KIAA1217: variants seen among roughly 807,000 people sequenced by gnomAD.
KIAA1217 encodes the protein KIAA1217, also known as sickle tail protein homolog.
In KIAA1217, 88 loss-of-function variants were observed where a neutral mutation model predicts 163.9. The observed-to-expected ratio is 0.54, with a 90% CI of 0.45 to 0.64. The LOEUF is 0.64. Ranked by LOEUF, KIAA1217 falls within the 30% of genes least tolerant of loss-of-function variation. The pLI, the probability that KIAA1217 is intolerant of heterozygous loss-of-function variation, is 0.00. For synonymous variants in KIAA1217, 903 were observed against 923.1 expected (o/e 0.98, Z 0.39); for missense variants, 2,372 against 2,475.0 (o/e 0.96, Z 0.88).
intron 1 of KIAA1217, among the ~76,000 whole-genome samples, chr10:23,946,258 T>C (rs1413296845): frequency 1.5e-5 from 2 of 130,672 alleles, no homozygotes; most frequent in African/African-American, 3.3e-5. Flanking sequence ...CTCCAATGTC[T>C]CTTCCGTTTA....
At chr10:23,788,019 C>A (rs555746009) in intron 1 of KIAA1217, among the ~76,000 whole-genome samples, 1 of 152,058 alleles carries the variant, frequency 6.6e-6, no homozygotes, top group African/African-American at 2.4e-5. Flanking sequence ...CAAAGCGACA[C>A]CCTATCTCTA....
chr10:24,052,862 G>C (rs1849616464), intron 2 of KIAA1217, among the ~76,000 whole-genome samples: 1 of 152,030 alleles, frequency 6.6e-6, no homozygotes, highest in South Asian at 2.1e-4. Context: ...AGCCTCTCTA[G>C]CTATCAATCT....
intron 3 of KIAA1217, among the ~76,000 whole-genome samples, chr10:24,421,421 G>A (rs1253590713): frequency 6.6e-6 from 1 of 152,188 alleles, no homozygotes; most frequent in African/African-American, 2.4e-5. Flanking sequence ...TTATAATAGT[G>A]TATCTGCAGA....
upstream of KIAA1217, among the ~76,000 whole-genome samples, chr10:24,208,032 C>T (rs1429960502): frequency 6.6e-6 from 1 of 151,906 alleles, no homozygotes; most frequent in African/African-American, 2.4e-5. Flanking sequence ...CTACAGGTTA[C>T]AAAATCGCGC....
At chr10:23,873,361 G>A (rs1250754012) in intron 1 of KIAA1217, among the ~76,000 whole-genome samples, 3 of 151,788 alleles carry the variant, frequency 2.0e-5, no homozygotes, top group African/African-American at 4.8e-5. Flanking sequence ...TTTCTGAAAG[G>A]TGGCTCTTAA....
At chr10:24,239,213 C>T in intron 2 of KIAA1217, 1 of 985,268 alleles carries the variant, frequency 1.0e-6, no homozygotes, top group Non-Finnish European at 1.2e-6. Flanking sequence ...ACAGCCCAGA[C>T]ATGGAGGGGG....
chr10:23,872,186 A>G (rs1215500219), intron 1 of KIAA1217, among the ~76,000 whole-genome samples: 1 of 152,084 alleles, frequency 6.6e-6, no homozygotes. Flanking sequence ...GAAAGACAAG[A>G]CAAGTATAGA....
chr10:24,154,926 C>CA (rs1250719385), intron 2 of KIAA1217, among the ~76,000 whole-genome samples: 1,444 of 68,504 alleles, frequency 0.021, 11 homozygotes, highest in Middle Eastern at 0.027. Context: ...GACTCCATGT[C>CA]AAAAAAAAAA....
intron 1 of KIAA1217, among the ~76,000 whole-genome samples, chr10:23,997,687 T>G (rs972887521): frequency 6.6e-6 from 1 of 152,194 alleles, no homozygotes; most frequent in Non-Finnish European, 1.5e-5. Flanking sequence ...GTAACAGACC[T>G]GGGCCTTTCA....
chr10:23,774,259 C>A lies in KIAA1217; in HGVS notation c.-321+79025C>A, dbSNP rs533270589. On this transcript the variant is annotated intron_variant, in intron 1 of 18. Coordinates refer to the KIAA1217 transcript ENST00000376462. ...TGAAAACACTTCATATACAGTTTAT[C>A]CAGACAAGAAGAGGTGAAAGGACTG... Among the ~76,000 whole-genome samples, 36 of 152,306 alleles carry A rather than the reference C, an allele frequency of 2.4e-4. No individual in the cohort carries two copies. The South Asian group carries it at 7.2e-3, about 31-fold the overall frequency.
At chr10:24,423,145 C>T (rs1432414047) in intron 3 of KIAA1217, among the ~76,000 whole-genome samples, 7 of 151,764 alleles carry the variant, frequency 4.6e-5, no homozygotes, top group South Asian at 2.1e-4. Context: ...TCTCGATCTC[C>T]TGACCTCGTG....
At chr10:23,909,782 G>A (rs1233229134) in intron 1 of KIAA1217, among the ~76,000 whole-genome samples, 2 of 152,154 alleles carry the variant, frequency 1.3e-5, no homozygotes, top group African/African-American at 2.4e-5. Flanking sequence ...ATAGTAGGAT[G>A]ATTTATAATC....
At chr10:24,414,667 G>T (rs1358928548) in intron 3 of KIAA1217, among the ~76,000 whole-genome samples, 1 of 152,166 alleles carries the variant, frequency 6.6e-6, no homozygotes. Context: ...GGGAAGATCT[G>T]GGGACATGGA....
intron 1 of KIAA1217, among the ~76,000 whole-genome samples, chr10:23,887,848 A>G (rs1449993588): frequency 2.0e-5 from 3 of 151,988 alleles, no homozygotes; most frequent in African/African-American, 7.2e-5. Flanking sequence ...GGAAAGTTTT[A>G]CCAATGACTG....
intron 1 of KIAA1217, among the ~76,000 whole-genome samples, chr10:23,940,356 A>C (rs1843707087): frequency 6.7e-6 from 1 of 150,352 alleles, no homozygotes; most frequent in Non-Finnish European, 1.5e-5. Flanking sequence ...GCTATTCAGA[A>C]GGCTGAAGCA....
At chr10:24,136,980 G>T (rs2063856110) in intron 2 of KIAA1217, among the ~76,000 whole-genome samples, 1 of 152,110 alleles carries the variant, frequency 6.6e-6, no homozygotes, top group South Asian at 2.1e-4. Flanking sequence ...CTGGCATCAG[G>T]GTCCAAAGTA....
intron 1 of KIAA1217, among the ~76,000 whole-genome samples, chr10:23,862,387 G>T (rs1440375808): frequency 6.6e-6 from 1 of 152,086 alleles, no homozygotes; most frequent in African/African-American, 2.4e-5. Flanking sequence ...GAGAGAGAGG[G>T]ATCAATGAAA....
In KIAA1217 at chr10:24,544,261, G is replaced by C; in HGVS notation, c.4991G>C (p.Arg1664Thr). 6.2e-7 allele frequency: 1 copy of C among 1,614,122 alleles called. No individual in the cohort carries two copies. The highest frequency in any genetic ancestry group is 1.6e-4 in the Middle Eastern group (1 of 6,062). Residue 1664 changes from arginine (R) to threonine (T), a missense_variant, in exon 19 of 21, where the codon AGA (arginine) becomes ACA (threonine). Physicochemically the swap from Arg to Thr is moderately conservative, Grantham distance 71 (BLOSUM62 -1). This residue lies in a region of KIAA1217 where 690 missense variants were observed against 677.5 expected (regional missense o/e 1.02). Coordinates refer to ENST00000376454, the MANE Select transcript of KIAA1217 (RefSeq NM_019590.5). ...GATGAAATTAGAAAAAACACCTACA[G>C]AACATTGGATAGCCTGGAGCAGACC... is the stretch of plus-strand genomic sequence containing the variant. ...RTDEIRKNTY[R>T]TLDSLEQTIK...
At chr10:24,252,793 G>T (rs1162941216) in intron 2 of KIAA1217, among the ~76,000 whole-genome samples, 1 of 152,062 alleles carries the variant, frequency 6.6e-6, no homozygotes, top group Non-Finnish European at 1.5e-5. Flanking sequence ...TGGTGGGAAG[G>T]CAGAGGAGGA....
Sources: gnomAD v4.1 joint callset for allele counts (sites outside exome capture counted in the v4.1 genomes callset) on GRCh38, gnomAD v4.1.1 for gene constraint, gnomAD v4.1.1 regional missense constraint, MANE v1.5 for transcripts, NCBI Gene and HGNC (gene_info 2026-07-23, HGNC 2026-07-21) for gene names.